COG5: variants seen among roughly 807,000 people sequenced by gnomAD.
COG5 encodes component of oligomeric golgi complex 5, also known as conserved oligomeric Golgi complex subunit 5.
In COG5, 86 loss-of-function variants were observed where a neutral mutation model predicts 110.4. The ratio of observed to expected loss-of-function variants is 0.78; its 90% confidence interval spans 0.65 to 0.93. The LOEUF is 0.93. Among genes scored for constraint, COG5 ranks in the 40% least tolerant of loss-of-function variants. The pLI, the probability that COG5 is intolerant of heterozygous loss-of-function variation, is 0.00. For missense variants in COG5, 1,077 were observed against 987.0 expected (o/e 1.09, Z -1.22); for synonymous variants, 360 against 334.6 (o/e 1.08, Z -0.83).
Position 107,452,596 on chromosome 7 carries a change from A to G in COG5, c.539-39964T>C, listed in dbSNP as rs115782644. ...TTAAAAACGGGAGTTTCCTTGCACA[A>G]GCACTCTCTTTGGCCCCTATCATCC... is the stretch of plus-strand genomic sequence containing the variant. On this transcript the variant is annotated intron_variant, in intron 6 of 21. Transcript: ENST00000297135. 1.3e-3 allele frequency among the ~76,000 whole-genome samples: 191 copies of G among 152,228 alleles called. 2 individuals are homozygous for G. The highest frequency in any genetic ancestry group is 4.4e-3 in the African/African-American group (182 of 41,542).
intron 11 of COG5, among the ~76,000 whole-genome samples, chr7:107,306,690 C>A (rs1413255232): frequency 6.6e-6 from 1 of 152,140 alleles, no homozygotes; most frequent in African/African-American, 2.4e-5. Flanking sequence ...TATTTTTTAA[C>A]AGGGATATAA....
chr7:107,306,802 T>C (rs769674319), intron 11 of COG5, among the ~76,000 whole-genome samples: 1 of 152,162 alleles, frequency 6.6e-6, no homozygotes, highest in Non-Finnish European at 1.5e-5. Context: ...CAAAGGCTTC[T>C]AGGAAAGAAA....
chr7:107,415,946 A>ATGTATGTG (rs1217209970), intron 6 of COG5, among the ~76,000 whole-genome samples: 1 of 116,568 alleles, frequency 8.6e-6, no homozygotes, highest in Non-Finnish European at 1.8e-5. Flanking sequence ...ACACGTATGT[A>ATGTATGTG]TGTATGTGTG....
chr7:107,246,019 A>G (rs1802027130), intron 17 of COG5, among the ~76,000 whole-genome samples: 1 of 152,224 alleles, frequency 6.6e-6, no homozygotes. Context: ...AAACAGGCAC[A>G]TAGACCAATG....
At chr7:107,432,812 G>A (rs921405019) in intron 6 of COG5, among the ~76,000 whole-genome samples, 8 of 151,770 alleles carry the variant, frequency 5.3e-5, no homozygotes, top group African/African-American at 1.9e-4. Flanking sequence ...ATTCATCATA[G>A]TACTGGAAGT....
chr7:107,301,231 T>C (rs961914633), intron 11 of COG5, among the ~76,000 whole-genome samples: 4 of 152,104 alleles, frequency 2.6e-5, no homozygotes, highest in Non-Finnish European at 4.4e-5. Flanking sequence ...ACCAAGAGTA[T>C]GGTCTGCAAA....
chr7:107,210,722 G>A, intron 20 of COG5, 117 bp from the exon 21 acceptor site: 1 of 1,146,840 alleles, frequency 8.7e-7, no homozygotes, highest in Non-Finnish European at 1.3e-6. Flanking sequence ...CCCAAAACCT[G>A]TCCAAGGGAA....
At chr7:107,496,514 G>T (rs1798280289) in intron 6 of COG5, among the ~76,000 whole-genome samples, 1 of 151,946 alleles carries the variant, frequency 6.6e-6, no homozygotes, top group Admixed American at 6.6e-5. Context: ...ACAAAAATTA[G>T]CTGGGTTTGA....
intron 14 of COG5, among the ~76,000 whole-genome samples, chr7:107,280,275 C>T (rs1805058793): frequency 6.6e-6 from 1 of 151,964 alleles, no homozygotes; most frequent in South Asian, 2.1e-4. Flanking sequence ...TTTGTCAAGA[C>T]TACAAGATCA....
At chr7:107,463,201 G>C (rs1029471038) in intron 6 of COG5, among the ~76,000 whole-genome samples, 4 of 152,228 alleles carry the variant, frequency 2.6e-5, no homozygotes, top group African/African-American at 9.6e-5. Context: ...CCCCAAAAGG[G>C]GTAGGTTCTA....
chr7:107,307,735 A>G (rs914164520), intron 11 of COG5, among the ~76,000 whole-genome samples: 2 of 152,162 alleles, frequency 1.3e-5, no homozygotes, highest in African/African-American at 4.8e-5. Context: ...TAAGAATGAT[A>G]TAATGGACTT....
intron 10 of COG5, among the ~76,000 whole-genome samples, chr7:107,325,251 T>C (rs1323776379): frequency 2.6e-5 from 4 of 152,206 alleles, no homozygotes; most frequent in Admixed American, 2.6e-4. Flanking sequence ...CTCTTAGAAA[T>C]TTTGCCAAAT....
intron 14 of COG5, among the ~76,000 whole-genome samples, chr7:107,279,763 A>G (rs747944237): frequency 2.6e-5 from 4 of 152,176 alleles, no homozygotes; most frequent in Admixed American, 2.6e-4. Context: ...AAAAAAAGAT[A>G]TAATCCAATT....
In COG5 at chr7:107,252,047, T is replaced by C. The variant is rs7781207; in HGVS notation, c.1750-3548A>G. ...AAAAAGAGGTTATTCTTATAGGTCC[T>C]AAAGACATCAAAAAGATAGTTAAGT... On this transcript the variant is annotated intron_variant, in intron 16 of 21. Coordinates refer to ENST00000297135, the MANE Select transcript of COG5 (RefSeq NM_006348.5). Among the ~76,000 whole-genome samples the C allele has an allele frequency of 9.1e-3, 1,386 of 152,202 alleles. 12 individuals are homozygous for C. Among genetic ancestry groups the C allele is most frequent in the Non-Finnish European group, 0.014 (955 of 68,000 alleles).
chr7:107,353,668 A>G (rs1006974320), intron 10 of COG5, among the ~76,000 whole-genome samples: 1 of 152,188 alleles, frequency 6.6e-6, no homozygotes, highest in African/African-American at 2.4e-5. Flanking sequence ...CACTTAGGTT[A>G]TGAGCTGAGA....
chr7:107,550,074 C>A (rs897933457), intron 3 of COG5, among the ~76,000 whole-genome samples: 2 of 152,202 alleles, frequency 1.3e-5, no homozygotes, highest in Non-Finnish European at 2.9e-5. Flanking sequence ...ATGCCCTACC[C>A]CCCAACCTAT....
intron 6 of COG5, among the ~76,000 whole-genome samples, chr7:107,438,492 T>G (rs1252011940): frequency 6.6e-6 from 1 of 152,224 alleles, no homozygotes; most frequent in Admixed American, 6.5e-5. Flanking sequence ...TCGTTGAGGT[T>G]TCTCCTGAGT....
intron 7 of COG5, among the ~76,000 whole-genome samples, chr7:107,380,957 C>G (rs1815069433): frequency 6.6e-6 from 1 of 152,108 alleles, no homozygotes; most frequent in African/African-American, 2.4e-5. Flanking sequence ...AAAGCTTATC[C>G]ACCCTGATCA....
chr7:107,554,152 CAG>C, intron 3 of COG5, 131 bp downstream of exon 3: 1 of 735,454 alleles, frequency 1.4e-6, no homozygotes. Context: ...TCTACAATGG[CAG>C]AGTTTAGTAG....
Sources: allele counts gnomAD v4.1 joint callset (sites outside exome capture counted in the v4.1 genomes callset), GRCh38; gene constraint gnomAD v4.1.1; transcripts MANE v1.5; gene names NCBI Gene and HGNC (gene_info 2026-07-23, HGNC 2026-07-21).